Variants in AAK1 observed in about 807,000 individuals in gnomAD.
AAK1 encodes the protein AP2 associated kinase 1.
Under a neutral mutation model 116.0 loss-of-function variants are expected in AAK1, and 37 were observed. The observed-to-expected ratio is 0.32, with a 90% confidence interval of 0.25 to 0.42. The LOEUF (loss-of-function observed/expected upper bound fraction) is 0.42. Ranked by LOEUF, AAK1 falls within the 10% of genes least tolerant of loss-of-function variation. AAK1 has a pLI of 1.00. For missense variants in AAK1, 919 were observed against 1,170.6 expected (o/e 0.79, Z 3.14); for synonymous variants, 458 against 439.9 (o/e 1.04, Z -0.51).
chr2:69,489,591 G>A (rs1174098236), intron 17 of AAK1, among the ~76,000 whole-genome samples: 1 of 152,038 alleles, frequency 6.6e-6, no homozygotes, highest in Non-Finnish European at 1.5e-5. Flanking sequence ...TGGAAGGGCC[G>A]AATACCAGCC....
intron 8 of AAK1, among the ~76,000 whole-genome samples, chr2:69,528,459 T>A (rs763557951): frequency 6.6e-6 from 1 of 152,176 alleles, no homozygotes; most frequent in Non-Finnish European, 1.5e-5. Context: ...TATACTATGG[T>A]GACAGTGATG....
chr2:69,608,796 G>C (rs1034172105), intron 2 of AAK1, among the ~76,000 whole-genome samples: 6 of 152,092 alleles, frequency 3.9e-5, no homozygotes, highest in African/African-American at 1.4e-4. Context: ...CAAAGTTGAA[G>C]GATACAAAAT....
intron 19 of AAK1, 80 bp from the exon 20 acceptor site, chr2:69,479,141 G>A: frequency 9.9e-7 from 1 of 1,012,098 alleles, no homozygotes. Context: ...TTAGATCTTA[G>A]CTTTTAAGTT....
intron 2 of AAK1, among the ~76,000 whole-genome samples, chr2:69,558,216 C>T (rs773205248): frequency 6.6e-6 from 1 of 151,702 alleles, no homozygotes; most frequent in Non-Finnish European, 1.5e-5. Context: ...GGTGGGCGCA[C>T]ACCTATGGCC....
intron 16 of AAK1, chr2:69,500,134 A>G (rs1429818911): frequency 6.6e-6 from 1 of 152,186 alleles, no homozygotes; most frequent in Non-Finnish European, 1.5e-5. Flanking sequence ...CCTTTGATCA[A>G]TCAGAAGGTT....
At chr2:69,527,431 C>A in intron 8 of AAK1, 112 bp from the exon 9 acceptor site, 1 of 722,516 alleles carries the variant, frequency 1.4e-6, no homozygotes, top group South Asian at 1.7e-5. Flanking sequence ...TTTTATTTTT[C>A]ATAGAAGTCA....
At chr2:69,541,776 AG>A (rs1670733517) in intron 5 of AAK1, among the ~76,000 whole-genome samples, 2 of 152,152 alleles carry the variant, frequency 1.3e-5, no homozygotes, top group South Asian at 4.1e-4. Flanking sequence ...CAAGCATGCT[AG>A]GGGATGCTGA....
intron 2 of AAK1, among the ~76,000 whole-genome samples, chr2:69,570,400 T>A (rs1672046724): frequency 6.6e-6 from 1 of 152,074 alleles, no homozygotes; most frequent in Non-Finnish European, 1.5e-5. Context: ...ACATGTGGCC[T>A]GAAGCTCTAT....
At chr2:69,560,136 C>G (rs75466549) in intron 2 of AAK1, among the ~76,000 whole-genome samples, 13,728 of 152,250 alleles carry the variant, frequency 0.09, 934 homozygotes, top group Non-Finnish European at 0.14. Flanking sequence ...ATTTAAATCA[C>G]GAGATCAAAA....
chr2:69,506,733 C>G (rs901997491), intron 15 of AAK1, among the ~76,000 whole-genome samples: 1 of 152,174 alleles, frequency 6.6e-6, no homozygotes, highest in Admixed American at 6.5e-5. Flanking sequence ...TCATACCACT[C>G]AATTGGTTCT....
Position 69,642,959 on chromosome 2 carries a change from A to T in AAK1, c.82T>A (p.Ser28Thr), listed in dbSNP as rs746686335. 6.2e-7 allele frequency: 1 copy of T among 1,613,550 alleles called. No homozygotes were observed. Among genetic ancestry groups the T allele is most frequent in the East Asian group, 2.2e-5 (1 of 44,866 alleles). ...CCGATGTAGCCACTGCCCAGGCCCG[A>T]GGTGCTGCCCCCTCCTCCGCTGGAG... ...SGSSGGGGST[S>T]GLGSGYIGRV... Residue 28 changes from serine (S) to threonine (T), a missense_variant, in exon 2 of 22, where the codon TCG (serine) becomes ACG (threonine). By Grantham distance (58) the Ser-to-Thr change is moderately conservative. Coordinates refer to ENST00000409085, the MANE Select transcript of AAK1 (RefSeq NM_014911.5).
chr2:69,470,607 G>T lies in AAK1; in HGVS notation c.*5262C>A. The stretch of plus-strand genomic sequence containing the variant: ...CAACACAAAATGTTTAATTAAGTTG[G>T]CCTGGGTATATTAGGGATTAAGTTA... On this transcript the variant is annotated 3_prime_UTR_variant, in exon 22 of 22. Transcript: ENST00000409085. The T allele has an allele frequency of 1.0e-6, 1 of 985,378 alleles. No individual in the cohort carries two copies. The highest frequency in any genetic ancestry group is 1.2e-6 in the Non-Finnish European group (1 of 829,926). The allele number at this position is 985,378 out of a possible 1,614,324, so 61.0% of individuals were successfully genotyped here.
intron 2 of AAK1, among the ~76,000 whole-genome samples, chr2:69,603,527 CAGA>C (rs1673670856): frequency 1.3e-5 from 2 of 152,186 alleles, no homozygotes; most frequent in African/African-American, 4.8e-5. Flanking sequence ...GCCATCACTG[CAGA>C]AGGTCGCAAA....
intron 2 of AAK1, among the ~76,000 whole-genome samples, chr2:69,559,262 T>TCA (rs375580392): frequency 0.031 from 3,988 of 127,232 alleles, 54 homozygotes; most frequent in Middle Eastern, 0.074. Flanking sequence ...TCTCTCTCTC[T>TCA]CACACACACA....
chr2:69,474,169 G>A lies in AAK1; in HGVS notation c.*1700C>T, dbSNP rs1378541978. The A allele has an allele frequency of 1.0e-6, 1 of 985,778 alleles. No individual in the cohort carries two copies. The highest frequency in any genetic ancestry group is 1.2e-6 in the Non-Finnish European group (1 of 829,954). The allele number at this position is 985,778 out of a possible 1,614,324, so 61.1% of individuals were successfully genotyped here. ...TCCAGAATGCAGTGTTTTATAGGCT[G>A]TTGTTGCTGTTAAACTTTTTTCCCC... On this transcript the variant is annotated 3_prime_UTR_variant, in exon 22 of 22. Transcript: ENST00000409085.
intron 2 of AAK1, among the ~76,000 whole-genome samples, chr2:69,560,265 C>T (rs547031729): frequency 1.3e-5 from 2 of 152,196 alleles, no homozygotes; most frequent in African/African-American, 2.4e-5. Flanking sequence ...AGATACTTCT[C>T]GTGCACAGCC....
At chr2:69,506,127 G>A (rs1470564962) in intron 15 of AAK1, among the ~76,000 whole-genome samples, 2 of 152,184 alleles carry the variant, frequency 1.3e-5, no homozygotes, top group Non-Finnish European at 2.9e-5. Context: ...TGAGGGACAA[G>A]CATAATGACA....
In AAK1 at chr2:69,505,534, G is replaced by A. The variant is rs574277065; in HGVS notation, c.2269+35C>T. On this transcript the variant is annotated intron_variant, in intron 16 of 21. Coordinates refer to ENST00000409085, the MANE Select transcript of AAK1 (RefSeq NM_014911.5). ...AAAAAACAGTGTGAAGGTAACAACA[G>A]TGAACCTCCCGTTCCAGGTATTTGC... 135 of 1,575,900 alleles carry A rather than the reference G, an allele frequency of 8.6e-5. 1 individual carries two copies. Among genetic ancestry groups the A allele is most frequent in the Non-Finnish European group, 1.0e-4 (118 of 1,147,006 alleles).
intron 17 of AAK1, among the ~76,000 whole-genome samples, chr2:69,494,988 G>A (rs1675679858): frequency 6.6e-6 from 1 of 152,044 alleles, no homozygotes; most frequent in South Asian, 2.1e-4. Flanking sequence ...TTCCAGTCTT[G>A]AAGCAAGCAA....
Sources: gnomAD v4.1 joint callset for allele counts (sites outside exome capture counted in the v4.1 genomes callset) on GRCh38, gnomAD v4.1.1 for gene constraint, MANE v1.5 for transcripts, NCBI Gene and HGNC (gene_info 2026-07-23, HGNC 2026-07-21) for gene names.